SLC14A2: variants seen among roughly 807,000 people sequenced by gnomAD.
The protein encoded by SLC14A2 is urea transporter 2.
Under a neutral mutation model 104.6 loss-of-function variants are expected in SLC14A2, and 91 were observed. The observed-to-expected ratio is 0.87, with a 90% CI of 0.73 to 1.04. The LOEUF (loss-of-function observed/expected upper bound fraction) is 1.04. Ranked by LOEUF, SLC14A2 falls within the 50% of genes least tolerant of loss-of-function variation. The probability of loss-of-function intolerance (pLI) is 0.00; values close to 1 mark genes in which losing one functional copy is unlikely to be tolerated. For missense variants in SLC14A2, 1,189 were observed against 1,156.0 expected (o/e 1.03, Z -0.41); for synonymous variants, 476 against 466.4 (o/e 1.02, Z -0.27).
At chr18:45,497,222 T>C (rs2043112364) in intron 2 of SLC14A2, among the ~76,000 whole-genome samples, 1 of 152,156 alleles carries the variant, frequency 6.6e-6, no homozygotes, top group African/African-American at 2.4e-5. Flanking sequence ...GGCTCTTTCC[T>C]CACTATACCC....
chr18:45,569,074 G>T (rs913678099), intron 2 of SLC14A2, among the ~76,000 whole-genome samples: 3 of 152,154 alleles, frequency 2.0e-5, no homozygotes, highest in African/African-American at 4.8e-5. Context: ...ATTAGGTACC[G>T]ATTCTAGCCT....
At chr18:45,386,922 CTTG>C (rs1218298406) in intron 1 of SLC14A2, among the ~76,000 whole-genome samples, 1 of 152,194 alleles carries the variant, frequency 6.6e-6, no homozygotes, top group Non-Finnish European at 1.5e-5. Context: ...TAAATGGCAG[CTTG>C]TTATTATTAG....
At chr18:45,564,285 G>T (rs530230964) in intron 2 of SLC14A2, among the ~76,000 whole-genome samples, 1 of 152,174 alleles carries the variant, frequency 6.6e-6, no homozygotes, top group Non-Finnish European at 1.5e-5. Flanking sequence ...GGAATTTCCC[G>T]CCAAGTAGCT....
At chr18:45,601,047 T>C (rs1181120015) in intron 2 of SLC14A2, among the ~76,000 whole-genome samples, 5 of 152,192 alleles carry the variant, frequency 3.3e-5, no homozygotes, top group African/African-American at 1.2e-4. Context: ...CTCAGTCATC[T>C]GCCTCCAGAG....
chr18:45,399,860 A>C (rs988432252), intron 1 of SLC14A2, among the ~76,000 whole-genome samples: 1 of 151,962 alleles, frequency 6.6e-6, no homozygotes, highest in Non-Finnish European at 1.5e-5. Context: ...GGACAAAGCC[A>C]CCCCATCAAC....
the SLC14A2 span, among the ~76,000 whole-genome samples, chr18:45,196,462 C>A: frequency 6.6e-6 from 1 of 152,272 alleles, no homozygotes; most frequent in South Asian, 2.1e-4. Flanking sequence ...TCTGAAGTGG[C>A]CAAAGAAATT....
chr18:45,391,510 C>T (rs539399176), intron 1 of SLC14A2, among the ~76,000 whole-genome samples: 2 of 152,178 alleles, frequency 1.3e-5, no homozygotes, highest in Admixed American at 6.5e-5. Context: ...CACTGACTTC[C>T]ACAATGGTTG....
upstream of SLC14A2, among the ~76,000 whole-genome samples, chr18:45,611,913 G>T (rs1229052226): frequency 6.6e-6 from 1 of 152,222 alleles, no homozygotes; most frequent in Non-Finnish European, 1.5e-5. Context: ...AATACCATGT[G>T]CATGGTGACT....
Position 45,253,454 on chromosome 18 carries a change from C to G in SLC14A2, c.-125+40263C>G, listed in dbSNP as rs757199359. Among the ~76,000 whole-genome samples, 22 of 151,920 alleles carry G rather than the reference C, an allele frequency of 1.4e-4. No individual in the cohort carries two copies. The East Asian group carries it at 3.1e-3, about 21-fold the overall frequency. Reference sequence around the variant, plus strand: ...CACAATGCTTCTTAAAATAGTTGCTCTCTGCATTATGCTGGATGCTTTGAA... The same window carrying G: ...CACAATGCTTCTTAAAATAGTTGCTGTCTGCATTATGCTGGATGCTTTGAA... On this transcript the variant is annotated intron_variant, in intron 1 of 20. Transcript: ENST00000586448.
intron 2 of SLC14A2, among the ~76,000 whole-genome samples, chr18:45,562,097 C>T (rs531451512): frequency 3.3e-5 from 5 of 152,282 alleles, no homozygotes; most frequent in South Asian, 2.1e-4. Context: ...TGAGACTCCC[C>T]GTTCCAGTTC....
chr18:45,414,621 T>C (rs1268104884), intron 1 of SLC14A2, among the ~76,000 whole-genome samples: 1 of 151,230 alleles, frequency 6.6e-6, no homozygotes, highest in Non-Finnish European at 1.5e-5. Context: ...TATTTGGGCA[T>C]TCATGCAATC....
chr18:45,361,474 G>C (rs896090384), intron 1 of SLC14A2, among the ~76,000 whole-genome samples: 1 of 152,122 alleles, frequency 6.6e-6, no homozygotes, highest in Non-Finnish European at 1.5e-5. Flanking sequence ...TTAGAATTAA[G>C]AATCAAGGAA....
At chr18:45,472,993 G>A (rs142651725) in intron 1 of SLC14A2, among the ~76,000 whole-genome samples, 2,454 of 152,114 alleles carry the variant, frequency 0.016, 41 homozygotes, top group South Asian at 0.067. Context: ...TTCTTTCTAG[G>A]GTTTCTGTGG....
chr18:45,547,770 TAAG>T (rs1477351230), intron 2 of SLC14A2, among the ~76,000 whole-genome samples: 1 of 152,162 alleles, frequency 6.6e-6, no homozygotes, highest in African/African-American at 2.4e-5. Flanking sequence ...GAATTGTAGT[TAAG>T]AAATGAAGTT....
chr18:45,287,762 C>T (rs544731427), intron 1 of SLC14A2, among the ~76,000 whole-genome samples: 3 of 152,176 alleles, frequency 2.0e-5, no homozygotes, highest in East Asian at 1.9e-4. Context: ...TCGAGCCATT[C>T]GGGCAGCATT....
chr18:45,357,192 C>T (rs1020705498), intron 1 of SLC14A2, among the ~76,000 whole-genome samples: 1 of 151,388 alleles, frequency 6.6e-6, no homozygotes, highest in Non-Finnish European at 1.5e-5. Flanking sequence ...TTTCTCTTCC[C>T]ACTCTTTCCC....
At chr18:45,493,600 G>A (rs1161652667) in intron 2 of SLC14A2, among the ~76,000 whole-genome samples, 4 of 152,198 alleles carry the variant, frequency 2.6e-5, no homozygotes, top group African/African-American at 4.8e-5. Flanking sequence ...GGATTTGAAC[G>A]AGGCACTCTG....
chr18:45,357,138 G>C (rs935083461), intron 1 of SLC14A2, among the ~76,000 whole-genome samples: 5 of 152,132 alleles, frequency 3.3e-5, no homozygotes, highest in African/African-American at 1.2e-4. Context: ...TGCTAAGAAG[G>C]GGGACCAGGA....
At chr18:45,194,844 C>T in the SLC14A2 span, among the ~76,000 whole-genome samples, 35,020 of 151,650 alleles carry the variant, frequency 0.23, 4,413 homozygotes, top group Non-Finnish European at 0.3. Flanking sequence ...TGGGGTTTCA[C>T]CGTGTTAGCC....
Sources: allele counts gnomAD v4.1 joint callset (sites outside exome capture counted in the v4.1 genomes callset), GRCh38; gene constraint gnomAD v4.1.1; transcripts MANE v1.5; gene names NCBI Gene and HGNC (gene_info 2026-07-23, HGNC 2026-07-21).